The following EXOC6B variants were observed in gnomAD, a reference collection of about 807,000 sequenced individuals.
The protein encoded by EXOC6B is exocyst complex component 6B, also known as SEC15 homolog B.
A neutral mutation model predicts 113.5 loss-of-function variants in EXOC6B; 54 were observed. The ratio of observed to expected loss-of-function variants is 0.48; its 90% CI spans 0.38 to 0.60. The LOEUF is 0.60. EXOC6B is among the 20% of genes least tolerant of loss of function. EXOC6B has a pLI of 0.00. For missense variants in EXOC6B, 797 were observed against 977.5 expected, an observed-to-expected ratio of 0.82 and a Z score of 2.46; for synonymous variants, 357 against 339.0, an observed-to-expected ratio of 1.05 and a Z score of -0.58.
At chr2:72,692,717 A>C (rs922307899) in intron 6 of EXOC6B, among the ~76,000 whole-genome samples, 2 of 152,092 alleles carry the variant, frequency 1.3e-5, no homozygotes, top group African/African-American at 4.8e-5. Flanking sequence ...TTAGTAATTG[A>C]CCCATTTGAA....
intron 20 of EXOC6B, among the ~76,000 whole-genome samples, chr2:72,208,943 G>T (rs1234474424): frequency 6.6e-6 from 1 of 152,044 alleles, no homozygotes; most frequent in Admixed American, 6.6e-5. Context: ...ATTTAATCTT[G>T]CTGGGCACGG....
At position 72,744,485 on chromosome 2, in the gene EXOC6B, C is replaced by T. The variant is rs893016177; in HGVS notation, c.114-3016G>A. ...ATCTACCGTTGACATTTCAAGTAAT[C>T]TCAAATAAGCTTAACTTTTCCCCCT... On this transcript the variant is annotated intron_variant, in intron 1 of 21. Transcript: ENST00000272427. Among the ~76,000 whole-genome samples the T allele has an allele frequency of 7.2e-5, 11 of 152,252 alleles. No individual in the cohort carries two copies. The South Asian group carries it at 2.3e-3, about 32-fold the overall frequency.
At chr2:72,266,841 T>G (rs1684130227) in intron 20 of EXOC6B, among the ~76,000 whole-genome samples, 1 of 152,198 alleles carries the variant, frequency 6.6e-6, no homozygotes, top group African/African-American at 2.4e-5. Context: ...ATAAATTACC[T>G]TGGGCAGTAT....
At chr2:72,340,102 G>A (rs982792208) in intron 19 of EXOC6B, among the ~76,000 whole-genome samples, 5 of 151,962 alleles carry the variant, frequency 3.3e-5, no homozygotes, top group Non-Finnish European at 7.4e-5. Flanking sequence ...CTTAGTCGAG[G>A]GGAAAGAAAA....
At chr2:72,581,408 C>T (rs1705214135) in intron 6 of EXOC6B, among the ~76,000 whole-genome samples, 1 of 152,070 alleles carries the variant, frequency 6.6e-6, no homozygotes, top group African/African-American at 2.4e-5. Context: ...TGTTATTGTC[C>T]GTAGGAATGT....
intron 21 of EXOC6B, among the ~76,000 whole-genome samples, chr2:72,183,402 A>G (rs889993727): frequency 1.4e-4 from 21 of 152,214 alleles, no homozygotes; most frequent in Admixed American, 3.9e-4. Flanking sequence ...CATATTTGTT[A>G]GCCCTGAGAT....
chr2:72,625,167 C>A (rs1671979550), intron 6 of EXOC6B, among the ~76,000 whole-genome samples: 1 of 151,414 alleles, frequency 6.6e-6, no homozygotes, highest in Admixed American at 6.6e-5. Context: ...CCTCCCACAT[C>A]AGCCTCCCAA....
At chr2:72,460,180 C>T (rs1697529188) in intron 18 of EXOC6B, among the ~76,000 whole-genome samples, 1 of 152,066 alleles carries the variant, frequency 6.6e-6, no homozygotes, top group Non-Finnish European at 1.5e-5. Context: ...TGGATCCCTT[C>T]CTTACACCTT....
intron 6 of EXOC6B, among the ~76,000 whole-genome samples, chr2:72,690,647 T>G (rs1677421547): frequency 1.3e-5 from 2 of 152,216 alleles, no homozygotes; most frequent in African/African-American, 4.8e-5. Flanking sequence ...AGTCTCAGTT[T>G]CTAAATATAG....
chr2:72,481,234 C>T (rs977298695), intron 16 of EXOC6B, among the ~76,000 whole-genome samples: 1 of 152,166 alleles, frequency 6.6e-6, no homozygotes, highest in South Asian at 2.1e-4. Context: ...TAAATTAAAC[C>T]TCTTTCCTTT....
chr2:72,531,245 T>C, intron 8 of EXOC6B, among the ~76,000 whole-genome samples: 1 of 152,340 alleles, frequency 6.6e-6, no homozygotes. Flanking sequence ...TATACATTTG[T>C]TTGTGGTTAA....
intron 8 of EXOC6B, among the ~76,000 whole-genome samples, chr2:72,543,300 C>T (rs1308602565): frequency 6.6e-6 from 1 of 152,076 alleles, no homozygotes; most frequent in African/African-American, 2.4e-5. Context: ...TAAGCACTGT[C>T]TTGATAAGGT....
At chr2:72,733,804 G>A (rs997538366) in intron 2 of EXOC6B, among the ~76,000 whole-genome samples, 1 of 152,102 alleles carries the variant, frequency 6.6e-6, no homozygotes, top group African/African-American at 2.4e-5. Context: ...CATCATCTGT[G>A]ATATCAAAAC....
At chr2:72,538,105 G>C (rs545611368) in intron 8 of EXOC6B, among the ~76,000 whole-genome samples, 1 of 151,676 alleles carries the variant, frequency 6.6e-6, no homozygotes, top group Admixed American at 6.6e-5. Flanking sequence ...CTGCAGGTAC[G>C]TACAACCACA....
chr2:72,740,494 T>C (rs1681229879), intron 2 of EXOC6B, among the ~76,000 whole-genome samples: 1 of 152,184 alleles, frequency 6.6e-6, no homozygotes, highest in Non-Finnish European at 1.5e-5. Context: ...GATAAGTGAC[T>C]TTGCTATGCC....
At chr2:72,470,443 T>C (rs1698326959) in intron 17 of EXOC6B, among the ~76,000 whole-genome samples, 1 of 152,168 alleles carries the variant, frequency 6.6e-6, no homozygotes, top group Non-Finnish European at 1.5e-5. Context: ...CCTGCAACTT[T>C]ACTGAATTTG....
chr2:72,601,112 ATGTGTGTGTGTATGTG>A lies in EXOC6B; in HGVS notation c.670-25460_670-25445del, dbSNP rs1372447437. Among the ~76,000 whole-genome samples, 28 of 141,568 alleles carry A rather than the reference ATGTGTGTGTGTATGTG, an allele frequency of 2.0e-4. 2 individuals carry two copies. The highest frequency in any genetic ancestry group is 1.8e-3 in the Admixed American group (25 of 13,664). The allele number at this position is 141,568 out of a possible 152,430, so 92.9% of individuals were successfully genotyped here. A position where few individuals can be genotyped will look rare whatever the true frequency, so the allele number is the denominator to read the frequency against. Reference sequence around the variant, plus strand: ...GACTTGTATGGCTACATATATATATATGTGTGTGTGTATGTGTGTGTGTGTGTGTGTGTGTGTGTGT... The same window carrying A: ...GACTTGTATGGCTACATATATATATATGTGTGTGTGTGTGTGTGTGTGTGT... On this transcript the variant is annotated intron_variant, in intron 6 of 21. Coordinates refer to ENST00000272427, the MANE Select transcript of EXOC6B (RefSeq NM_015189.3).
At chr2:72,589,228 CA>C (rs1377663795) in intron 6 of EXOC6B, among the ~76,000 whole-genome samples, 4 of 151,050 alleles carry the variant, frequency 2.6e-5, no homozygotes, top group East Asian at 1.9e-4. Context: ...AAATTCAGTG[CA>C]AAAAAAGTAG....
chr2:72,411,637 A>C (rs1483980978), intron 18 of EXOC6B, among the ~76,000 whole-genome samples: 1 of 152,206 alleles, frequency 6.6e-6, no homozygotes, highest in Non-Finnish European at 1.5e-5. Context: ...CAGCATTTAT[A>C]ATACACATGT....
Sources: gnomAD v4.1 joint callset for allele counts (sites outside exome capture counted in the v4.1 genomes callset) on GRCh38, gnomAD v4.1.1 for gene constraint, MANE v1.5 for transcripts, NCBI Gene and HGNC (gene_info 2026-07-23, HGNC 2026-07-21) for gene names.